The following PSMG2 variants were observed in gnomAD, a reference collection of about 807,000 sequenced individuals.
The protein encoded by PSMG2 is CD40 ligand-activated specific transcript 3.
PSMG2 carries 21 observed loss-of-function variants against 31.5 expected under a neutral mutation model. The observed-to-expected ratio is 0.67, with a 90% CI of 0.47 to 0.96. PSMG2 has a LOEUF of 0.96. PSMG2 is among the 40% of genes least tolerant of loss of function. The pLI is 0.00. For missense variants in PSMG2, 318 were observed against 321.2 expected (o/e 0.99, Z 0.08); for synonymous variants, 120 against 110.4 (o/e 1.09, Z -0.54).
chr18:12,716,891 C>A (rs78235681), intron 3 of PSMG2, among the ~76,000 whole-genome samples: 1 of 151,408 alleles, frequency 6.6e-6, no homozygotes, highest in African/African-American at 2.4e-5. Flanking sequence ...CTTAGGGAGG[C>A]AGGACCAGCA....
intron 1 of PSMG2, among the ~76,000 whole-genome samples, chr18:12,692,520 G>GC (rs2039805441): frequency 6.6e-6 from 1 of 151,428 alleles, no homozygotes; most frequent in Admixed American, 6.6e-5. Flanking sequence ...TGGAAGCTCA[G>GC]CCCCAATCTT....
Position 12,697,243 on chromosome 18 carries a change from G to C in PSMG2, c.-36-9307G>C, listed in dbSNP as rs1460461870. The C allele has an allele frequency of 1.9e-6, 3 of 1,613,294 alleles. No homozygotes were observed. The Admixed American group carries it at 5.0e-5, about 27-fold the overall frequency. On this transcript the variant is annotated intron_variant, in intron 1 of 6. Transcript: ENST00000585331. ...CATACCTACACCCATAAGTTCCACA[G>C]TCAGACTGGTCACTCCATTTTCTGA...
At position 12,672,559 on chromosome 18, in the gene PSMG2, GAAAA is replaced by G. The variant is rs1332188057; in HGVS notation, c.-37+13789_-37+13792del. 8 of 526,296 alleles carry G rather than the reference GAAAA, an allele frequency of 1.5e-5. No individual in the cohort carries two copies. In the African/African-American group the frequency reaches 1.6e-4, roughly 11 times the overall value. 32.6% of individuals were successfully genotyped at this position (526,296 alleles called of 1,614,324 possible). A position where few individuals can be genotyped will look rare whatever the true frequency, so the allele number is the denominator to read the frequency against. The stretch of plus-strand genomic sequence containing the variant: ...TGCTGATTTTTTTATCACAATGAAA[GAAAA>G]AAGGGTTTCAGAAGATAGAATCCAT... On this transcript the variant is annotated intron_variant, in intron 1 of 6. Transcript: ENST00000585331.
intron 1 of PSMG2, among the ~76,000 whole-genome samples, chr18:12,666,148 C>G: frequency 9.0e-6 from 1 of 110,796 alleles, no homozygotes; most frequent in East Asian, 2.5e-4. Flanking sequence ...AAGAACTCAT[C>G]TCTACAAAAA....
Position 12,720,807 on chromosome 18 carries a change from AAAC to A in PSMG2, c.581+133_581+135del, listed in dbSNP as rs572503471. 1.9e-4 allele frequency: 189 copies of A among 971,956 alleles called. No homozygotes were observed. In the South Asian group the frequency reaches 4.1e-3, roughly 21 times the overall value. 60.2% of individuals were successfully genotyped at this position (971,956 alleles called of 1,614,324 possible). On this transcript the variant is annotated intron_variant, in intron 5 of 6. Transcript: ENST00000317615. ...AGAGCAAGACTCTGTCTCAAACAAA[AAAC>A]AACAACAAAAAAAACAAAATTAAGT...
intron 1 of PSMG2, among the ~76,000 whole-genome samples, chr18:12,676,851 T>C (rs1307443558): frequency 2.0e-5 from 3 of 152,186 alleles, no homozygotes; most frequent in Non-Finnish European, 2.9e-5. Context: ...CCAGAGAACA[T>C]GTTTGATAAA....
At chr18:12,702,645 A>G, upstream of PSMG2, 1 of 1,375,318 alleles carries the variant, frequency 7.3e-7, no homozygotes, top group Middle Eastern at 2.3e-4. Context: ...CGACTGGAGC[A>G]CAAAGCGCCG....
chr18:12,722,558 T>C (rs1275481347), intron 5 of PSMG2, among the ~76,000 whole-genome samples: 1 of 152,186 alleles, frequency 6.6e-6, no homozygotes, highest in African/African-American at 2.4e-5. Context: ...CAGCTTCTGG[T>C]TAGCTATAAG....
At chr18:12,720,772 C>A in intron 5 of PSMG2, 89 bp downstream of exon 5, 1 of 1,316,624 alleles carries the variant, frequency 7.6e-7, no homozygotes, top group Non-Finnish European at 1.0e-6. Context: ...TGCACTCTAG[C>A]CTGGGTGACA....
Position 12,706,550 on chromosome 18 carries a change from C to T in PSMG2, c.58C>T (p.Pro20Ser), listed in dbSNP as rs773889443. ...CTGAACATATCTTTTATAATTTCAG[C>T]CAGCAGTATCTGTTGGAAATGTTGG... ...PDLAGFTLLM[P>S]AVSVGNVGQL... is the part of the protein sequence containing the mutation. Residue 20 changes from proline (P) to serine (S), a missense_variant and splice_region_variant, in exon 2 of 7, where the codon CCA (proline) becomes TCA (serine). Transcript: ENST00000317615. 1.9e-6 allele frequency: 3 copies of T among 1,612,738 alleles called. No individual in the cohort carries two copies. The African/African-American group carries it at 4.0e-5, about 22-fold the overall frequency.
rs929359945 is a variant in PSMG2 at position 12,661,326 on chromosome 18, A to G, written c.-37+2553A>G. 9 of 980,602 alleles carry G rather than the reference A, an allele frequency of 9.2e-6. No homozygotes were observed. The African/African-American group carries it at 1.6e-4, about 17-fold the overall frequency. 60.7% of individuals were successfully genotyped at this position (980,602 alleles called of 1,614,324 possible). A position where few individuals can be genotyped will look rare whatever the true frequency, so the allele number is the denominator to read the frequency against. ...TTCATCTCAAAAAAGAAGAAAAAAA[A>G]TTGATAAGCCTTACCGTCATCCATC... On this transcript the variant is annotated intron_variant, in intron 1 of 6. Coordinates refer to the PSMG2 transcript ENST00000585331.
chr18:12,661,137 G>C (rs576563584), intron 1 of PSMG2, among the ~76,000 whole-genome samples: 13 of 152,136 alleles, frequency 8.5e-5, no homozygotes, highest in African/African-American at 2.9e-4. Flanking sequence ...GCAAAAACCT[G>C]TCTCTACTAA....
In PSMG2 at chr18:12,718,650, C is replaced by T. The variant is rs2040400956; in HGVS notation, c.407+15C>T. The T allele has an allele frequency of 6.4e-7, 1 of 1,553,464 alleles. No individual in the cohort carries two copies. The highest frequency in any genetic ancestry group is 8.8e-7 in the Non-Finnish European group (1 of 1,139,524). ...CAGCTTCGTAGGTATGTTTCTGCCT[C>T]TGGAAAGTTATTTTTGGTATGGTTT... is the stretch of plus-strand genomic sequence containing the variant. On this transcript the variant is annotated intron_variant, in intron 4 of 6. Coordinates refer to ENST00000317615, the MANE Select transcript of PSMG2 (RefSeq NM_020232.5).
At chr18:12,697,601 G>A (rs1460665243) in intron 1 of PSMG2, among the ~76,000 whole-genome samples, 1 of 152,204 alleles carries the variant, frequency 6.6e-6, no homozygotes, top group Non-Finnish European at 1.5e-5. Context: ...CTTTTCAGAA[G>A]ACTGGCAAAT....
At chr18:12,702,664 C>A (rs2040200606), upstream of PSMG2, 27 of 1,214,518 alleles carry the variant, frequency 2.2e-5, no homozygotes, top group Non-Finnish European at 2.9e-5. Context: ...CGCAGCCGTT[C>A]GCCTAGCGCA....
intron 5 of PSMG2, among the ~76,000 whole-genome samples, chr18:12,721,915 C>T (rs2040434436): frequency 1.3e-5 from 2 of 152,096 alleles, no homozygotes; most frequent in Admixed American, 1.3e-4. Flanking sequence ...TGGGATTTGA[C>T]ATGTCGTGTT....
At chr18:12,660,827 G>C (rs1179961667) in intron 1 of PSMG2, among the ~76,000 whole-genome samples, 1 of 152,052 alleles carries the variant, frequency 6.6e-6, no homozygotes, top group African/African-American at 2.4e-5. Context: ...GAGCATATAT[G>C]TAATTAAGTT....
intron 1 of PSMG2, among the ~76,000 whole-genome samples, chr18:12,662,962 G>A (rs1017234715): frequency 6.6e-6 from 1 of 152,062 alleles, no homozygotes; most frequent in East Asian, 1.9e-4. Context: ...AATGTATGAC[G>A]TTCTGATCTG....
At chr18:12,662,311 A>C in intron 1 of PSMG2, 1 of 363,924 alleles carries the variant, frequency 2.7e-6, no homozygotes, top group Non-Finnish European at 5.3e-6. Flanking sequence ...TCAGTTATAC[A>C]ACTTGAAGGG....
Sources: gnomAD v4.1 joint callset for allele counts (sites outside exome capture counted in the v4.1 genomes callset) on GRCh38, gnomAD v4.1.1 for gene constraint, MANE v1.5 for transcripts, NCBI Gene and HGNC (gene_info 2026-07-23, HGNC 2026-07-21) for gene names.